Variants in CSMD2 observed in about 807,000 individuals in gnomAD.
The protein encoded by CSMD2 is CUB and Sushi multiple domains 2, also known as CUB and sushi domain-containing protein 2.
CSMD2 carries 130 observed loss-of-function variants against 398.5 expected under a neutral mutation model. That is an observed-to-expected ratio of 0.33 (90% confidence interval 0.28 to 0.38). The LOEUF is 0.38. Ranked by LOEUF, CSMD2 falls within the 10% of genes least tolerant of loss-of-function variation. The pLI, the probability that CSMD2 is intolerant of heterozygous loss-of-function variation, is 1.00. For missense variants in CSMD2, 3,829 were observed against 4,764.9 expected, an observed-to-expected ratio of 0.80 and a Z score of 5.78; for synonymous variants, 1,828 against 1,908.5, an observed-to-expected ratio of 0.96 and a Z score of 1.10.
intron 3 of CSMD2, among the ~76,000 whole-genome samples, chr1:34,008,597 G>C (rs1285697913): frequency 6.6e-6 from 1 of 152,210 alleles, no homozygotes; most frequent in Non-Finnish European, 1.5e-5. Flanking sequence ...CAGAACTAAG[G>C]AGAACAATAG....
intron 3 of CSMD2, among the ~76,000 whole-genome samples, chr1:34,016,801 T>C (rs1349304219): frequency 7.5e-6 from 1 of 133,784 alleles, no homozygotes; most frequent in Non-Finnish European, 1.7e-5. Context: ...GATAGATAGA[T>C]AGACAGATAG....
intron 5 of CSMD2, chr1:33,864,660 C>A (rs1350155652): frequency 6.2e-7 from 1 of 1,613,798 alleles, no homozygotes; most frequent in Non-Finnish European, 8.5e-7. Context: ...CTTCGAGGAA[C>A]TTGAACTCTA....
At chr1:34,138,769 G>A (rs1034046507) in intron 1 of CSMD2, among the ~76,000 whole-genome samples, 1 of 152,116 alleles carries the variant, frequency 6.6e-6, no homozygotes, top group African/African-American at 2.4e-5. Flanking sequence ...GCAGTTTATT[G>A]AAGTGCCCAT....
intron 11 of CSMD2, among the ~76,000 whole-genome samples, chr1:33,790,614 T>A (rs970815632): frequency 6.6e-6 from 1 of 150,730 alleles, no homozygotes. Flanking sequence ...CAAAATCACA[T>A]GAGACAATTC....
At chr1:33,522,284 G>A (rs1232438612) in intron 67 of CSMD2, among the ~76,000 whole-genome samples, 1 of 152,220 alleles carries the variant, frequency 6.6e-6, no homozygotes, top group Non-Finnish European at 1.5e-5. Flanking sequence ...AAGGCTCGAC[G>A]CTTGTCTGGC....
At chr1:34,000,855 C>G (rs1646878525) in intron 3 of CSMD2, among the ~76,000 whole-genome samples, 1 of 151,368 alleles carries the variant, frequency 6.6e-6, no homozygotes, top group African/African-American at 2.4e-5. Flanking sequence ...TAAGCGAAAA[C>G]CATGAAAGAT....
chr1:33,784,151 G>C (rs1480781438), intron 12 of CSMD2, among the ~76,000 whole-genome samples: 1 of 152,214 alleles, frequency 6.6e-6, no homozygotes, highest in Non-Finnish European at 1.5e-5. Context: ...TGAAACCATG[G>C]AAGTACACGT....
intron 37 of CSMD2, among the ~76,000 whole-genome samples, chr1:33,618,151 T>C (rs991399488): frequency 6.6e-6 from 1 of 152,172 alleles, no homozygotes; most frequent in Non-Finnish European, 1.5e-5. Flanking sequence ...TGTTAGCAGA[T>C]AAGACTCTCC....
chr1:33,690,721 C>T (rs1301104796), intron 25 of CSMD2, among the ~76,000 whole-genome samples: 4 of 152,202 alleles, frequency 2.6e-5, no homozygotes, highest in African/African-American at 9.6e-5. Flanking sequence ...ATCCACTAGG[C>T]ATATAACTAC....
chr1:33,790,699 CTATCATCT>C (rs879580397), intron 11 of CSMD2, among the ~76,000 whole-genome samples: 243 of 143,424 alleles, frequency 1.7e-3, no homozygotes, highest in Non-Finnish European at 2.9e-3. Context: ...ATCTATCTAT[CTATCATCT>C]ATCTGTCTAT....
rs1390396013 is a variant in CSMD2, at chr1:33,550,219, C to T, written c.8875G>A (p.Gly2959Arg). ...TLVGNSTRMC[G>R]LDGHWTGSLP... is the part of the protein sequence containing the mutation. ...GAGCCAGTCCAGTGTCCATCCAGCCCACACATGCGGGTGCTGTTTCCCACC... is the reference window on the plus strand; with the variant it reads ...GAGCCAGTCCAGTGTCCATCCAGCCTACACATGCGGGTGCTGTTTCCCACC... Residue 2959 changes from glycine to arginine, a missense_variant, in exon 56 of 71, where the codon GGG (glycine) becomes AGG (arginine). Physicochemically the swap from Gly to Arg is moderately radical, Grantham distance 125. This residue lies in a region of CSMD2 where 917 missense variants were observed against 1,199.5 expected (regional missense o/e 0.76). Transcript: ENST00000373381. 6.2e-7 allele frequency: 1 copy of T among 1,614,174 alleles called. No homozygotes were observed. The highest frequency in any genetic ancestry group is 1.7e-5 in the Admixed American group (1 of 60,026).
chr1:33,897,627 G>A (rs548555145), intron 5 of CSMD2, among the ~76,000 whole-genome samples: 4 of 152,306 alleles, frequency 2.6e-5, no homozygotes, highest in African/African-American at 7.2e-5. Context: ...TGAGGACACA[G>A]CCGGGTGACA....
intron 6 of CSMD2, among the ~76,000 whole-genome samples, chr1:33,844,335 G>A (rs1661158486): frequency 6.6e-6 from 1 of 152,134 alleles, no homozygotes; most frequent in Non-Finnish European, 1.5e-5. Context: ...CCCTCCTACT[G>A]CACTGTGTCT....
rs138918938 is a variant in CSMD2, at chr1:33,901,202, G to T, written c.920+16892C>A. ...TCATAGAGGCAAACAATGAATATTT[G>T]CCTGTTTATTTATCTTGACATTGGT... On this transcript the variant is annotated intron_variant, in intron 5 of 70. Transcript: ENST00000373381. 4.7e-3 allele frequency among the ~76,000 whole-genome samples: 723 copies of T among 152,330 alleles called. 5 individuals carry two copies. The highest frequency in any genetic ancestry group is 0.017 in the African/African-American group (694 of 41,574).
At chr1:33,986,235 GC>G (rs1646354586) in intron 3 of CSMD2, among the ~76,000 whole-genome samples, 1 of 152,164 alleles carries the variant, frequency 6.6e-6, no homozygotes, top group Non-Finnish European at 1.5e-5. Flanking sequence ...CAAGGCTCAG[GC>G]CCTTGCAGCA....
chr1:33,756,814 C>A (rs574893303), intron 13 of CSMD2, among the ~76,000 whole-genome samples: 8 of 152,234 alleles, frequency 5.3e-5, no homozygotes, highest in Admixed American at 1.3e-4. Flanking sequence ...TGGGTATATA[C>A]CCAAAGGATT....
intron 2 of CSMD2, among the ~76,000 whole-genome samples, chr1:34,076,928 A>AAAAAATATATATATATAT (rs1232288848): frequency 1.9e-5 from 1 of 53,596 alleles, no homozygotes; most frequent in African/African-American, 8.6e-5. Flanking sequence ...AAAAAAAAAA[A>AAAAAATATATATATATAT]ATATATATAT....
At chr1:33,651,933 T>TTTATAGCCTGTTTATACCAACA (rs1329282479) in intron 28 of CSMD2, among the ~76,000 whole-genome samples, 32 of 150,934 alleles carry the variant, frequency 2.1e-4, no homozygotes, top group African/African-American at 7.3e-4. Context: ...TTGGGGGGGG[T>TTTATAGCCTGTTTATACCAACA]GCCTGGGACC....
chr1:34,123,862 C>G (rs1662472383), intron 1 of CSMD2, among the ~76,000 whole-genome samples: 1 of 152,076 alleles, frequency 6.6e-6, no homozygotes, highest in East Asian at 1.9e-4. Context: ...AGTAAGAGAC[C>G]AAGTAAGTTG....
Sources: gnomAD v4.1 joint callset for allele counts (sites outside exome capture counted in the v4.1 genomes callset) on GRCh38, gnomAD v4.1.1 for gene constraint, gnomAD v4.1.1 regional missense constraint, MANE v1.5 for transcripts, NCBI Gene and HGNC (gene_info 2026-07-23, HGNC 2026-07-21) for gene names.